Variants in KMT2C observed in about 807,000 individuals in gnomAD.
KMT2C encodes lysine methyltransferase 2C.
KMT2C carries 88 observed loss-of-function variants against 507.9 expected under a neutral mutation model. The observed-to-expected ratio is 0.17, with a 90% CI of 0.15 to 0.21. The LOEUF (loss-of-function observed/expected upper bound fraction) is 0.21. Among genes scored for constraint, KMT2C ranks in the 10% least tolerant of loss-of-function variants. The pLI is 1.00. For missense variants in KMT2C, 4,954 were observed against 5,957.8 expected (o/e 0.83, Z 5.55); for synonymous variants, 2,049 against 2,080.8 (o/e 0.98, Z 0.42).
chr7:152,319,555 G>A (rs1306756706), intron 3 of KMT2C, among the ~76,000 whole-genome samples: 6 of 152,008 alleles, frequency 3.9e-5, no homozygotes, highest in Admixed American at 6.5e-5. Flanking sequence ...TTAGCAGACC[G>A]GGAAAGGGAG....
Position 152,176,352 on chromosome 7 carries a change from G to C in KMT2C, c.9101C>G (p.Pro3034Arg), listed in dbSNP as rs2129112892. The change falls in exon 38 of 59, where the codon CCT (proline) becomes CGT (arginine). Residue 3034 changes from proline (P) to arginine (R), a missense_variant. Physicochemically the swap from Pro to Arg is moderately radical, Grantham distance 103. Coordinates refer to ENST00000262189, the MANE Select transcript of KMT2C (RefSeq NM_170606.3). ...TCTATTCTGCTGTGCTAATGTTTGA[G>C]GAATCATTAGCTGTTGGGGTCCAGA... ...SMSGPQQLMI[P>R]QTLAQQNRER... The C allele has an allele frequency of 1.2e-6, 2 of 1,614,112 alleles. No individual in the cohort carries two copies. Among genetic ancestry groups the C allele is most frequent in the Non-Finnish European group, 1.7e-6 (2 of 1,180,012 alleles).
chr7:152,209,962 C>A (rs2094415612), intron 23 of KMT2C, among the ~76,000 whole-genome samples: 1 of 152,120 alleles, frequency 6.6e-6, no homozygotes, highest in South Asian at 2.1e-4. Flanking sequence ...CCTACATCTG[C>A]TTCCTAGGTT....
At chr7:152,381,070 T>A (rs2097369679) in intron 1 of KMT2C, among the ~76,000 whole-genome samples, 1 of 152,286 alleles carries the variant, frequency 6.6e-6, no homozygotes, top group Admixed American at 6.5e-5. Flanking sequence ...AAAACAGATG[T>A]TCAATGGACA....
chr7:152,213,490 T>C (rs2094501584), intron 23 of KMT2C, among the ~76,000 whole-genome samples: 1 of 152,092 alleles, frequency 6.6e-6, no homozygotes, highest in Non-Finnish European at 1.5e-5. Flanking sequence ...TAAGTAGTGG[T>C]AAGAAAACTA....
chr7:152,347,882 C>G (rs1036383700), intron 2 of KMT2C, among the ~76,000 whole-genome samples: 7 of 152,032 alleles, frequency 4.6e-5, no homozygotes, highest in African/African-American at 1.7e-4. Flanking sequence ...CGAAAAATTT[C>G]CAATATATTT....
At position 152,135,889 on chromosome 7, in the gene KMT2C, C is replaced by CCCCAA. The variant is rs1196517658; in HGVS notation, c.*938_*942dup. 2 of 231,138 alleles carry CCCCAA rather than the reference C, an allele frequency of 8.7e-6. No individual in the cohort carries two copies. The highest frequency in any genetic ancestry group is 4.4e-5 in the African/African-American group (2 of 45,156). 14.3% of individuals were successfully genotyped at this position (231,138 alleles called of 1,614,324 possible). A position where few individuals can be genotyped will look rare whatever the true frequency, so the allele number is the denominator to read the frequency against. On this transcript the variant is annotated 3_prime_UTR_variant, in exon 59 of 59. Transcript: ENST00000262189. ...TAATAGACTGCGGTTTCCAAAAAAC[C>CCCCAA]CCCAACACTCTAGGTTGAAATTTTG...
chr7:152,290,322 T>G (rs2096405947), intron 6 of KMT2C, among the ~76,000 whole-genome samples: 2 of 110,872 alleles, frequency 1.8e-5, no homozygotes, highest in African/African-American at 3.8e-5. Flanking sequence ...TTTTTTTTTT[T>G]TTGTCTGAGA....
chr7:152,312,576 A>C (rs2096682280), intron 4 of KMT2C, among the ~76,000 whole-genome samples: 1 of 152,228 alleles, frequency 6.6e-6, no homozygotes, highest in Admixed American at 6.5e-5. Flanking sequence ...ACAAATTGGA[A>C]GTAAAAAGCA....
intron 15 of KMT2C, among the ~76,000 whole-genome samples, chr7:152,236,602 T>A (rs2095280112): frequency 6.6e-6 from 1 of 152,222 alleles, no homozygotes; most frequent in Admixed American, 6.5e-5. Flanking sequence ...TAAAATTAAG[T>A]CAGTTTCCTT....
rs145876532 is a variant in KMT2C at position 152,307,826 on chromosome 7, A to G, written c.849+2140T>C. ...GACACATACAAACTCATGCAAATACATACACCTACATTTCTGTACTAAGTA... is the reference window on the plus strand; with the variant it reads ...GACACATACAAACTCATGCAAATACGTACACCTACATTTCTGTACTAAGTA... On this transcript the variant is annotated intron_variant, in intron 6 of 58. Coordinates refer to ENST00000262189, the MANE Select transcript of KMT2C (RefSeq NM_170606.3). Among the ~76,000 whole-genome samples, 6 of 152,320 alleles carry G rather than the reference A, an allele frequency of 3.9e-5. No individual in the cohort carries two copies. In the East Asian group the frequency reaches 7.7e-4, roughly 20 times the overall value.
chr7:152,171,234 T>C, intron 40 of KMT2C, 30 bp downstream of exon 40: 1 of 1,490,306 alleles, frequency 6.7e-7, no homozygotes, highest in Non-Finnish European at 9.2e-7. Context: ...AAGCGTGCAT[T>C]CTAGAGGGAC....
chr7:152,163,332 G>T lies in KMT2C; in HGVS notation c.10245C>A (p.Leu3415=). ...REQQERQRIQ[L]MQEVDRQRAL... ...CTCTTTGTCTATCTACCTCCTGCAT[G>T]AGTTGGATCCGTTGTCTCTCTTGCT... Residue 3415 remains leucine, a synonymous_variant, in exon 43 of 59, where the codon CTC becomes CTA. Transcript: ENST00000262189. 1 of 1,614,198 alleles carries T rather than the reference G, an allele frequency of 6.2e-7. No homozygotes were observed. Among genetic ancestry groups the T allele is most frequent in the Non-Finnish European group, 8.5e-7 (1 of 1,180,036 alleles).
At chr7:152,379,104 A>G (rs2097350622) in intron 1 of KMT2C, among the ~76,000 whole-genome samples, 1 of 152,134 alleles carries the variant, frequency 6.6e-6, no homozygotes, top group Admixed American at 6.6e-5. Context: ...TCCTTGTTCC[A>G]AGGCCCTCCC....
intron 6 of KMT2C, among the ~76,000 whole-genome samples, chr7:152,307,428 G>A (rs1252306671): frequency 1.3e-5 from 2 of 151,946 alleles, no homozygotes; most frequent in Admixed American, 1.3e-4. Flanking sequence ...ACAAACAACC[G>A]TACAAATGGC....
At chr7:152,385,481 G>T (rs1264139163) in intron 1 of KMT2C, among the ~76,000 whole-genome samples, 1 of 131,332 alleles carries the variant, frequency 7.6e-6, no homozygotes, top group South Asian at 2.4e-4. Flanking sequence ...GCGTAGTGGC[G>T]GGCGCCTGTA....
At chr7:152,334,346 G>A (rs189692145) in intron 2 of KMT2C, among the ~76,000 whole-genome samples, 1 of 152,314 alleles carries the variant, frequency 6.6e-6, no homozygotes, top group East Asian at 1.9e-4. Context: ...CAGCTATTCA[G>A]AAGGCTGAGG....
intron 21 of KMT2C, 90 bp from the exon 22 acceptor site, chr7:152,222,156 A>C (rs2094792563): frequency 1.2e-6 from 1 of 836,880 alleles, no homozygotes; most frequent in Non-Finnish European, 1.8e-6. Context: ...TTCTGTTTCT[A>C]TACTCATTTT....
intron 1 of KMT2C, among the ~76,000 whole-genome samples, chr7:152,360,831 A>G (rs1413744005): frequency 1.3e-5 from 2 of 151,972 alleles, no homozygotes; most frequent in African/African-American, 4.8e-5. Flanking sequence ...CCTGGGCAAC[A>G]AGGGCGAAAT....
At chr7:152,208,283 G>A (rs1403860292) in intron 23 of KMT2C, among the ~76,000 whole-genome samples, 1 of 152,124 alleles carries the variant, frequency 6.6e-6, no homozygotes, top group Non-Finnish European at 1.5e-5. Flanking sequence ...AATGTATCAA[G>A]CTCTTTCTTC....
Sources: gnomAD v4.1 joint callset for allele counts (sites outside exome capture counted in the v4.1 genomes callset) on GRCh38, gnomAD v4.1.1 for gene constraint, MANE v1.5 for transcripts, NCBI Gene and HGNC (gene_info 2026-07-23, HGNC 2026-07-21) for gene names.